The following ADAD1 variants were observed in gnomAD, a reference collection of about 807,000 sequenced individuals.
ADAD1 encodes adenosine deaminase domain-containing protein 1.
Under a neutral mutation model 66.8 loss-of-function variants are expected in ADAD1, and 46 were observed. The ratio of observed to expected loss-of-function variants is 0.69; its 90% CI spans 0.54 to 0.88. The LOEUF (loss-of-function observed/expected upper bound fraction) is 0.88. Among genes scored for constraint, ADAD1 ranks in the 40% least tolerant of loss-of-function variants. ADAD1 has a pLI of 0.00. For synonymous variants in ADAD1, 248 were observed against 229.4 expected (o/e 1.08, Z -0.73); for missense variants, 617 against 681.8 (o/e 0.91, Z 1.06).
intron 10 of ADAD1, among the ~76,000 whole-genome samples, chr4:122,414,161 T>C (rs1210087981): frequency 6.6e-6 from 1 of 150,458 alleles, no homozygotes; most frequent in Non-Finnish European, 1.5e-5. Flanking sequence ...TATATTAGGT[T>C]TTATACTTCC....
chr4:122,429,406 C>A (rs1030474523), intron 12 of ADAD1, among the ~76,000 whole-genome samples: 6 of 147,972 alleles, frequency 4.1e-5, no homozygotes, highest in African/African-American at 1.5e-4. Flanking sequence ...CATGACAGAA[C>A]AAGACCTTGG....
intron 7 of ADAD1, 114 bp downstream of exon 7, chr4:122,396,491 T>C (rs76229865): frequency 0.01 from 9,095 of 866,648 alleles, 74 homozygotes; most frequent in Non-Finnish European, 0.013. Context: ...AGTGACTTTT[T>C]CTAGTAAGTG....
chr4:122,386,336 A>C (rs1387636987), intron 5 of ADAD1, among the ~76,000 whole-genome samples: 6 of 152,148 alleles, frequency 3.9e-5, no homozygotes, highest in African/African-American at 1.4e-4. Context: ...TGGCCGCATA[A>C]ATGTCTTCTT....
Position 122,380,975 on chromosome 4 carries a change from A to C in ADAD1, c.173-17A>C. The stretch of plus-strand genomic sequence containing the variant: ...TTTGTTTTAAACCAAATTGACAAGT[A>C]TAACATTTGTTTTTAGGTAATTTTC... On this transcript the variant is annotated splice_polypyrimidine_tract_variant and intron_variant, in intron 3 of 12. Coordinates refer to ENST00000296513, the MANE Select transcript of ADAD1 (RefSeq NM_139243.4). 6.3e-7 allele frequency: 1 copy of C among 1,575,350 alleles called. No individual in the cohort carries two copies. The highest frequency in any genetic ancestry group is 2.1e-5 in the Admixed American group (1 of 47,052).
intron 5 of ADAD1, among the ~76,000 whole-genome samples, chr4:122,387,199 C>G (rs1459704153): frequency 6.6e-6 from 1 of 152,076 alleles, no homozygotes; most frequent in Non-Finnish European, 1.5e-5. Flanking sequence ...TTGTTTGTGT[C>G]CTCTGTTATT....
At chr4:122,379,860 G>C (rs956813524) in intron 2 of ADAD1, among the ~76,000 whole-genome samples, 1 of 152,160 alleles carries the variant, frequency 6.6e-6, no homozygotes, top group African/African-American at 2.4e-5. Context: ...GTTTAGGGAA[G>C]GGATTCAGGA....
intron 10 of ADAD1, among the ~76,000 whole-genome samples, chr4:122,413,929 G>A (rs1034125525): frequency 1.4e-5 from 2 of 144,536 alleles, no homozygotes; most frequent in African/African-American, 2.5e-5. Flanking sequence ...TTTAACCTTT[G>A]ACTTTAACCT....
intron 12 of ADAD1, among the ~76,000 whole-genome samples, chr4:122,426,135 C>G (rs1198038082): frequency 6.6e-6 from 1 of 151,860 alleles, no homozygotes; most frequent in Non-Finnish European, 1.5e-5. Context: ...ACAGATAACA[C>G]AAATTATCAA....
At chr4:122,384,022 C>T (rs1795038627) in intron 5 of ADAD1, 56 bp downstream of exon 5, 1 of 1,423,524 alleles carries the variant, frequency 7.0e-7, no homozygotes, top group African/African-American at 1.4e-5. Context: ...CAAAAGGAAT[C>T]ACCTGAAAGA....
At chr4:122,405,166 C>T (rs76708151) in intron 7 of ADAD1, among the ~76,000 whole-genome samples, 1 of 152,134 alleles carries the variant, frequency 6.6e-6, no homozygotes, top group South Asian at 2.1e-4. Flanking sequence ...GGCATGACAT[C>T]CGTATCCTAG....
intron 7 of ADAD1, among the ~76,000 whole-genome samples, chr4:122,400,628 CG>C (rs1033776068): frequency 6.6e-6 from 1 of 151,804 alleles, no homozygotes; most frequent in African/African-American, 2.4e-5. Context: ...TGAATCTGTT[CG>C]GTTGCGAACT....
intron 12 of ADAD1, among the ~76,000 whole-genome samples, chr4:122,428,267 A>G (rs1797348354): frequency 6.6e-6 from 1 of 152,202 alleles, no homozygotes; most frequent in African/African-American, 2.4e-5. Context: ...TACCAAAAGT[A>G]TAACCCAAAA....
intron 11 of ADAD1, 108 bp from the exon 12 acceptor site, chr4:122,421,153 C>T: frequency 5.8e-6 from 5 of 863,698 alleles, no homozygotes; most frequent in Non-Finnish European, 6.3e-6. Flanking sequence ...ATGTATATTG[C>T]AAATAATCAA....
At chr4:122,407,818 TA>T in intron 7 of ADAD1, 89 bp from the exon 8 acceptor site, 1 of 1,332,238 alleles carries the variant, frequency 7.5e-7, no homozygotes, top group Non-Finnish European at 1.0e-6. Flanking sequence ...TATATTCTAC[TA>T]AATTAAAAAT....
intron 7 of ADAD1, among the ~76,000 whole-genome samples, chr4:122,406,888 A>G (rs1377531900): frequency 6.6e-6 from 1 of 152,098 alleles, no homozygotes; most frequent in African/African-American, 2.4e-5. Flanking sequence ...CATTATCTTC[A>G]TATAAGCCCC....
At chr4:122,406,324 T>C (rs1796210300) in intron 7 of ADAD1, among the ~76,000 whole-genome samples, 1 of 152,196 alleles carries the variant, frequency 6.6e-6, no homozygotes, top group Non-Finnish European at 1.5e-5. Context: ...ATTAGTGATG[T>C]TGAGCACCTT....
Position 122,421,206 on chromosome 4 carries a change from G to A in ADAD1, c.1488-55G>A, listed in dbSNP as rs966212309. On this transcript the variant is annotated intron_variant, in intron 11 of 12. Transcript: ENST00000296513. ...CATATTGATTTTAATCTATACAATT[G>A]CCAACATAAATTACTGAAAAAGAAA... The A allele has an allele frequency of 2.1e-5, 28 of 1,363,330 alleles. No homozygotes were observed. In the African/African-American group the frequency reaches 3.0e-4, roughly 15 times the overall value. 84.5% of individuals were successfully genotyped at this position (1,363,330 alleles called of 1,614,324 possible).
At chr4:122,384,204 G>A (rs1217947138) in intron 5 of ADAD1, among the ~76,000 whole-genome samples, 1 of 152,170 alleles carries the variant, frequency 6.6e-6, no homozygotes, top group East Asian at 1.9e-4. Context: ...TTGTCAGGTT[G>A]TTAATTGACA....
intron 5 of ADAD1, 95 bp from the exon 6 acceptor site, chr4:122,393,493 AT>A (rs1795552096): frequency 2.0e-5 from 23 of 1,172,548 alleles, no homozygotes; most frequent in South Asian, 5.1e-5. Flanking sequence ...GGAAAAAAAA[AT>A]TTTTGGATTG....
Sources: allele counts gnomAD v4.1 joint callset (sites outside exome capture counted in the v4.1 genomes callset), GRCh38; gene constraint gnomAD v4.1.1; transcripts MANE v1.5; gene names NCBI Gene and HGNC (gene_info 2026-07-23, HGNC 2026-07-21).